The following ZMPSTE24 variants were observed in gnomAD, a reference collection of about 807,000 sequenced individuals.
The protein encoded by ZMPSTE24 is CAAX prenyl protease 1 homolog.
Under a neutral mutation model 56.7 loss-of-function variants are expected in ZMPSTE24, and 48 were observed. The observed-to-expected ratio is 0.85, with a 90% confidence interval of 0.67 to 1.08. ZMPSTE24 has a LOEUF of 1.08. Ranked by LOEUF, ZMPSTE24 falls within the 50% of genes least tolerant of loss-of-function variation. ZMPSTE24 has a pLI of 0.00. For missense variants in ZMPSTE24, 503 were observed against 548.7 expected, an observed-to-expected ratio of 0.92 and a Z score of 0.83; for synonymous variants, 172 against 195.2, an observed-to-expected ratio of 0.88 and a Z score of 0.99.
intron 6 of ZMPSTE24, among the ~76,000 whole-genome samples, chr1:40,276,445 A>G (rs1643672121): frequency 2.0e-5 from 3 of 151,464 alleles, no homozygotes; most frequent in African/African-American, 7.2e-5. Flanking sequence ...TGGTGTCTCA[A>G]AAACCAGGAG....
intron 3 of ZMPSTE24, 144 bp from the exon 4 acceptor site, chr1:40,268,275 G>A: frequency 1.5e-6 from 1 of 689,450 alleles, no homozygotes; most frequent in Non-Finnish European, 2.6e-6. Context: ...TTTTTTGAAG[G>A]CAGGGATGAT....
chr1:40,286,050 C>A, intron 8 of ZMPSTE24, 21 bp downstream of exon 8: 1 of 1,591,436 alleles, frequency 6.3e-7, no homozygotes, highest in Non-Finnish European at 8.6e-7. Flanking sequence ...AGTGACAATT[C>A]TTTTTTTATG....
chr1:40,273,538 ATATAT>A (rs1339778845), intron 6 of ZMPSTE24, among the ~76,000 whole-genome samples: 710 of 17,212 alleles, frequency 0.041, 36 homozygotes, highest in African/African-American at 0.11. Flanking sequence ...AAAAAAAAAA[ATATAT>A]ATATATATAT....
intron 2 of ZMPSTE24, among the ~76,000 whole-genome samples, chr1:40,265,013 C>CATTG (rs1489253441): frequency 6.6e-6 from 1 of 151,506 alleles, no homozygotes; most frequent in Non-Finnish European, 1.5e-5. Context: ...AACATAGAGA[C>CATTG]ATTGTACAGT....
At chr1:40,260,580 T>C (rs948432562) in intron 1 of ZMPSTE24, among the ~76,000 whole-genome samples, 6 of 152,254 alleles carry the variant, frequency 3.9e-5, no homozygotes, top group Non-Finnish European at 8.8e-5. Flanking sequence ...TTAACAGCTT[T>C]GGTTTACATA....
At chr1:40,281,097 G>A (rs924117774) in intron 6 of ZMPSTE24, among the ~76,000 whole-genome samples, 15 of 152,108 alleles carry the variant, frequency 9.9e-5, no homozygotes, top group African/African-American at 3.1e-4. Flanking sequence ...TGAATCATTT[G>A]TAACTGTTGG....
At chr1:40,265,133 A>G (rs1643536842) in intron 2 of ZMPSTE24, among the ~76,000 whole-genome samples, 1 of 152,164 alleles carries the variant, frequency 6.6e-6, no homozygotes, top group African/African-American at 2.4e-5. Context: ...ATCATTCAGA[A>G]TTCATATTAA....
intron 6 of ZMPSTE24, among the ~76,000 whole-genome samples, chr1:40,274,569 G>T (rs1038382991): frequency 6.6e-6 from 1 of 152,198 alleles, no homozygotes; most frequent in East Asian, 1.9e-4. Context: ...CTGCACCATA[G>T]CAGGAGAGTG....
chr1:40,290,919 A>G lies in ZMPSTE24; in HGVS notation c.1125A>G (p.Ala375=). 1 of 1,613,810 alleles carries G rather than the reference A, an allele frequency of 6.2e-7. No individual in the cohort carries two copies. The highest frequency in any genetic ancestry group is 2.2e-5 in the East Asian group (1 of 44,848). The change falls in exon 9 of 10, where the codon GCA becomes GCG. Residue 375 remains alanine (A), a synonymous_variant. Coordinates refer to ENST00000372759, the MANE Select transcript of ZMPSTE24 (RefSeq NM_005857.5). ...VLIGRKELFA[A]FGFYDSQPTL... Reference sequence around the variant, plus strand: ...TTGGTCGAAAGGAGCTTTTTGCTGCATTTGGTTTTTATGATAGCCAACCCA... The same window carrying G: ...TTGGTCGAAAGGAGCTTTTTGCTGCGTTTGGTTTTTATGATAGCCAACCCA...
chr1:40,258,755 T>G (rs1643465250), intron 1 of ZMPSTE24, among the ~76,000 whole-genome samples: 1 of 152,144 alleles, frequency 6.6e-6, no homozygotes, highest in African/African-American at 2.4e-5. Flanking sequence ...ATGACATTTA[T>G]GTAATCATGC....
At chr1:40,271,003 G>C (rs1643609348) in intron 5 of ZMPSTE24, among the ~76,000 whole-genome samples, 1 of 152,216 alleles carries the variant, frequency 6.6e-6, no homozygotes, top group Admixed American at 6.5e-5. Context: ...AAAGTGGTCT[G>C]TTCAGTGCAC....
intron 2 of ZMPSTE24, among the ~76,000 whole-genome samples, chr1:40,266,875 C>G (rs1643554677): frequency 6.8e-6 from 1 of 147,434 alleles, no homozygotes; most frequent in Admixed American, 6.9e-5. Context: ...TCAAGCAATC[C>G]TTCTACCTCA....
At chr1:40,267,985 C>T in intron 3 of ZMPSTE24, 113 bp downstream of exon 3, 2 of 913,930 alleles carry the variant, frequency 2.2e-6, no homozygotes, top group East Asian at 2.4e-5. Context: ...TCTCTGTTTG[C>T]ATAGTCCTTG....
At chr1:40,285,780 G>A (rs901918017) in intron 7 of ZMPSTE24, 145 bp from the exon 8 acceptor site, 37 of 639,700 alleles carry the variant, frequency 5.8e-5, no homozygotes, top group Non-Finnish European at 9.7e-5. Flanking sequence ...CAGTGGTTCA[G>A]GGAATGTTTT....
rs1643571603 is a variant in ZMPSTE24 at position 40,267,875 on chromosome 1, A to T, written c.357+3A>T. 1 of 1,609,028 alleles carries T rather than the reference A, an allele frequency of 6.2e-7. No individual in the cohort carries two copies. The highest frequency in any genetic ancestry group is 8.5e-7 in the Non-Finnish European group (1 of 1,175,562). ...CTGGCTTTGGACCAGAATATGAGGT[A>T]TGTGATTCATTAGCATGTATTTGTC... On this transcript the variant is annotated splice_donor_region_variant and intron_variant, in intron 3 of 9. Transcript: ENST00000372759.
intron 7 of ZMPSTE24, among the ~76,000 whole-genome samples, chr1:40,285,003 A>G (rs1291835630): frequency 2.8e-5 from 4 of 144,774 alleles, no homozygotes; most frequent in African/African-American, 1.0e-4. Context: ...TTGGCTCACT[A>G]CAGACTACGC....
In ZMPSTE24 at chr1:40,293,584, C is replaced by G. The variant is rs900133604; in HGVS notation, c.*915C>G. The G allele has an allele frequency of 3.3e-5, 5 of 152,184 alleles. No individual in the cohort carries two copies. The highest frequency in any genetic ancestry group is 1.2e-4 in the African/African-American group (5 of 41,436). The allele number at this position is 152,184 out of a possible 1,614,324, so 9.4% of individuals were successfully genotyped here. On this transcript the variant is annotated 3_prime_UTR_variant, in exon 10 of 10. Coordinates refer to ENST00000372759, the MANE Select transcript of ZMPSTE24 (RefSeq NM_005857.5). ...ATAAGGATGAAATACTGATGAATCT[C>G]TGTGACATTACAGGGAAAAAAATAT...
chr1:40,260,904 AT>A lies in ZMPSTE24; in HGVS notation c.192del (p.Phe64LeufsTer73). 1.2e-6 allele frequency: 2 copies of A among 1,614,210 alleles called. No individual in the cohort carries two copies. Among genetic ancestry groups the A allele is most frequent in the Non-Finnish European group, 1.7e-6 (2 of 1,180,016 alleles). ...ELGQIMDSET[F>X]EKSRLYQLDK... is the part of the protein sequence containing the mutation. ...TAGGACAGATCATGGATTCTGAAACATTTGAGAAATCTCGACTCTATCAACT... is the reference window on the plus strand; with the variant it reads ...TAGGACAGATCATGGATTCTGAAACATTGAGAAATCTCGACTCTATCAACT... On this transcript the variant is annotated frameshift_variant, in exon 2 of 10. Transcript: ENST00000372759. LOFTEE classifies it high-confidence loss of function.
intron 8 of ZMPSTE24, among the ~76,000 whole-genome samples, chr1:40,289,908 T>TA (rs996237243): frequency 2.0e-5 from 3 of 152,094 alleles, no homozygotes; most frequent in Non-Finnish European, 4.4e-5. Flanking sequence ...ATTACAGTGT[T>TA]ATAAAACAAG....
Sources: gnomAD v4.1 joint callset for allele counts (sites outside exome capture counted in the v4.1 genomes callset) on GRCh38, gnomAD v4.1.1 for gene constraint, MANE v1.5 for transcripts, NCBI Gene and HGNC (gene_info 2026-07-23, HGNC 2026-07-21) for gene names.